ADAM12: variants seen among roughly 807,000 people sequenced by gnomAD.
ADAM12 encodes ADAM metallopeptidase domain 12, also known as disintegrin and metalloproteinase domain-containing protein 12.
In ADAM12, 70 loss-of-function variants were observed where a neutral mutation model predicts 106.4. That is an observed-to-expected ratio of 0.66 (90% CI 0.54 to 0.80). The LOEUF (loss-of-function observed/expected upper bound fraction) is 0.80. Ranked by LOEUF, ADAM12 falls within the 30% of genes least tolerant of loss-of-function variation. ADAM12 has a pLI of 0.00. For synonymous variants in ADAM12, 420 were observed against 433.5 expected, an observed-to-expected ratio of 0.97 and a Z score of 0.39; for missense variants, 1,010 against 1,171.9, an observed-to-expected ratio of 0.86 and a Z score of 2.02.
chr10:126,352,085 G>T (rs1251319502), intron 1 of ADAM12, among the ~76,000 whole-genome samples: 1 of 152,248 alleles, frequency 6.6e-6, no homozygotes, highest in African/African-American at 2.4e-5. Flanking sequence ...AGGTGTCCTC[G>T]GCGGTGCTGA....
intron 11 of ADAM12, among the ~76,000 whole-genome samples, chr10:126,073,397 T>G (rs1307394510): frequency 1.3e-5 from 2 of 152,154 alleles, no homozygotes; most frequent in African/African-American, 4.8e-5. Flanking sequence ...CCTTAACTTT[T>G]TTTTTTTAAC....
At chr10:126,330,072 G>A (rs112990551) in intron 2 of ADAM12, among the ~76,000 whole-genome samples, 6 of 152,100 alleles carry the variant, frequency 3.9e-5, no homozygotes, top group East Asian at 1.9e-4. Flanking sequence ...TAATCAATTC[G>A]AGGAAATCAA....
chr10:126,069,162 C>T (rs1000548040), intron 12 of ADAM12, among the ~76,000 whole-genome samples: 1 of 152,164 alleles, frequency 6.6e-6, no homozygotes, highest in Admixed American at 6.5e-5. Context: ...GCCTAAAATT[C>T]TTAGGCAAAG....
rs142787090 is a variant in ADAM12, at chr10:126,226,332, G to A, written c.260+52583C>T. 3.9e-3 allele frequency among the ~76,000 whole-genome samples: 587 copies of A among 152,334 alleles called. 6 individuals are homozygous for A. Among genetic ancestry groups the A allele is most frequent in the African/African-American group, 0.014 (562 of 41,582 alleles). On this transcript the variant is annotated intron_variant, in intron 3 of 22. Coordinates refer to ENST00000448723, the MANE Select transcript of ADAM12 (RefSeq NM_001288973.2). ...AGGAGCAGGAATAAGAGGAGAAGCCGGGTGGGCATGGGCGTGGCTGGTGGG... is the reference window on the plus strand; with the variant it reads ...AGGAGCAGGAATAAGAGGAGAAGCCAGGTGGGCATGGGCGTGGCTGGTGGG...
intron 14 of ADAM12, among the ~76,000 whole-genome samples, chr10:126,052,059 T>G (rs1954517864): frequency 6.6e-6 from 1 of 152,224 alleles, no homozygotes; most frequent in Admixed American, 6.5e-5. Context: ...TTTCTCAGAT[T>G]CACATAGGTA....
In ADAM12 at chr10:126,021,898, TTAAC is replaced by T. The variant is rs1415020663; in HGVS notation, c.2530-2077_2530-2074del. 5.9e-5 allele frequency among the ~76,000 whole-genome samples: 9 copies of T among 152,296 alleles called. No homozygotes were observed. In the East Asian group the frequency reaches 7.7e-4, roughly 13 times the overall value. ...AACCCTACCAACAAACTTTGGATAATTAACTAAGGTAACAAATCAAGCTCCCCTT... is the reference window on the plus strand; with the variant it reads ...AACCCTACCAACAAACTTTGGATAATTAAGGTAACAAATCAAGCTCCCCTT... On this transcript the variant is annotated intron_variant, in intron 21 of 22. Transcript: ENST00000448723.
At chr10:126,368,914 T>A (rs995924500) in intron 1 of ADAM12, among the ~76,000 whole-genome samples, 1 of 152,146 alleles carries the variant, frequency 6.6e-6, no homozygotes, top group Non-Finnish European at 1.5e-5. Context: ...TCTGTACATT[T>A]CTCAGGGAGA....
At chr10:126,045,926 G>T in intron 17 of ADAM12, 129 bp downstream of exon 17, 1 of 786,510 alleles carries the variant, frequency 1.3e-6, no homozygotes, top group Non-Finnish European at 2.1e-6. Flanking sequence ...ACCTTTAGAA[G>T]AAAATATTTC....
chr10:126,278,417 TATA>T (rs1259806841), intron 3 of ADAM12, among the ~76,000 whole-genome samples: 2 of 152,202 alleles, frequency 1.3e-5, no homozygotes, highest in African/African-American at 4.8e-5. Flanking sequence ...TGGAAATTTA[TATA>T]ATTTTTCCAC....
At chr10:126,028,571 A>C (rs1953919176) in intron 21 of ADAM12, among the ~76,000 whole-genome samples, 1 of 152,236 alleles carries the variant, frequency 6.6e-6, no homozygotes, top group African/African-American at 2.4e-5. Context: ...TTCCCTATTT[A>C]ATAAATAGTC....
intron 3 of ADAM12, among the ~76,000 whole-genome samples, chr10:126,168,687 G>A (rs1957067468): frequency 6.6e-6 from 1 of 152,072 alleles, no homozygotes; most frequent in African/African-American, 2.4e-5. Context: ...TTTTTAAAAC[G>A]AAAACGGATC....
In ADAM12 at chr10:126,049,505, T is replaced by C; in HGVS notation, c.1719-54A>G. On this transcript the variant is annotated intron_variant, in intron 15 of 22. Transcript: ENST00000448723. This position sits in a 1 kb window ranked among gnomAD's most constrained non-coding sequence, Gnocchi z 4.4. ...AGGAGAAACCATTTGGAACCAACCC[T>C]ATGCAATGTGGGAAGGTCAGAGCAA... 6.2e-7 allele frequency: 1 copy of C among 1,613,538 alleles called. No homozygotes were observed. Among genetic ancestry groups the C allele is most frequent in the South Asian group, 1.1e-5 (1 of 91,080 alleles).
intron 4 of ADAM12, among the ~76,000 whole-genome samples, chr10:126,143,755 G>A (rs1313783259): frequency 2.6e-5 from 4 of 151,928 alleles, no homozygotes; most frequent in Non-Finnish European, 5.9e-5. Flanking sequence ...ATATGGGTGT[G>A]TATGTGTCTG....
At chr10:126,051,983 C>G (rs1043291195) in intron 14 of ADAM12, among the ~76,000 whole-genome samples, 1 of 152,198 alleles carries the variant, frequency 6.6e-6, no homozygotes, top group Non-Finnish European at 1.5e-5. Flanking sequence ...CCATTTAATC[C>G]TACAAGGTAG....
chr10:126,246,959 A>T (rs1359982078), intron 3 of ADAM12, among the ~76,000 whole-genome samples: 2 of 152,236 alleles, frequency 1.3e-5, no homozygotes, highest in African/African-American at 4.8e-5. Context: ...TTAGCAGACA[A>T]CATGATTCTA....
chr10:126,109,650 G>C (rs527586033), intron 7 of ADAM12, 125 bp downstream of exon 7: 9 of 718,380 alleles, frequency 1.3e-5, no homozygotes, highest in Non-Finnish European at 2.0e-5. Flanking sequence ...TCAATGGGTT[G>C]TTTCCATTGC....
At chr10:126,134,027 A>G (rs929528966) in intron 5 of ADAM12, among the ~76,000 whole-genome samples, 2 of 152,186 alleles carry the variant, frequency 1.3e-5, no homozygotes, top group African/African-American at 4.8e-5. Context: ...GGAAGAATGC[A>G]TTTTGTTCAG....
Position 126,337,348 on chromosome 10 carries a change from C to G in ADAM12, c.89-6839G>C, listed in dbSNP as rs531527800. On this transcript the variant is annotated intron_variant, in intron 1 of 22. Transcript: ENST00000448723. Reference sequence around the variant, plus strand: ...GAAGGAAGAGAGCCAGAAGACTCAGCAAGCAAGCTTATCCCACCTTCCTCT... The same window carrying G: ...GAAGGAAGAGAGCCAGAAGACTCAGGAAGCAAGCTTATCCCACCTTCCTCT... Among the ~76,000 whole-genome samples, 59 of 152,296 alleles carry G rather than the reference C, an allele frequency of 3.9e-4. 1 individual carries two copies. The highest frequency in any genetic ancestry group is 1.3e-3 in the African/African-American group (56 of 41,544).
intron 3 of ADAM12, among the ~76,000 whole-genome samples, chr10:126,262,525 T>A (rs1959022333): frequency 6.6e-6 from 1 of 152,200 alleles, no homozygotes; most frequent in African/African-American, 2.4e-5. Flanking sequence ...TGATTACCCC[T>A]TTTTGGACAA....
Sources: gnomAD v4.1 joint callset for allele counts (sites outside exome capture counted in the v4.1 genomes callset) on GRCh38, gnomAD v4.1.1 for gene constraint, Gnocchi (gnomAD v3.1) non-coding constraint, MANE v1.5 for transcripts, NCBI Gene and HGNC (gene_info 2026-07-23, HGNC 2026-07-21) for gene names.